Variants in GSDME observed in about 807,000 individuals in gnomAD.
The protein encoded by GSDME is gasdermin E.
GSDME carries 44 observed loss-of-function variants against 47.5 expected under a neutral mutation model. The observed-to-expected ratio is 0.93, with a 90% CI of 0.73 to 1.19. The LOEUF is 1.19. Among genes scored for constraint, GSDME ranks in the 50% most tolerant of loss-of-function variants. The pLI is 0.00. For synonymous variants in GSDME, 258 were observed against 252.8 expected, an observed-to-expected ratio of 1.02 and a Z score of -0.20; for missense variants, 663 against 604.2, an observed-to-expected ratio of 1.10 and a Z score of -1.02.
At chr7:24,786,116 A>G in the GSDME span, among the ~76,000 whole-genome samples, 4 of 152,190 alleles carry the variant, frequency 2.6e-5, no homozygotes. The surrounding 1 kb of genome is among the most constrained non-coding windows in gnomAD (Gnocchi z 5.5). Flanking sequence ...GTGGCAGTAT[A>G]GAGCTTTAAT....
chr7:24,699,445 C>G (rs1025336160), intron 9 of GSDME, among the ~76,000 whole-genome samples, 186 bp from the exon 10 acceptor site: 1 of 151,964 alleles, frequency 6.6e-6, no homozygotes, highest in Non-Finnish European at 1.5e-5. Context: ...CAGGTTCAAG[C>G]GATTCTTTTG....
chr7:24,709,384 T>C (rs980275922), intron 6 of GSDME, among the ~76,000 whole-genome samples: 16 of 152,010 alleles, frequency 1.1e-4, no homozygotes, highest in African/African-American at 4.8e-5. Context: ...CACCCACTTA[T>C]CCATCTCAAG....
At chr7:24,782,885 A>G in the GSDME span, among the ~76,000 whole-genome samples, 3 of 152,220 alleles carry the variant, frequency 2.0e-5, no homozygotes, top group South Asian at 6.2e-4. Context: ...GTGTCTGTTC[A>G]TATCCTTTGC....
At position 24,699,563 on chromosome 7, in the gene GSDME, T is replaced by C. The variant is rs138759906; in HGVS notation, c.1258-304A>G. Among the ~76,000 whole-genome samples, 9,581 of 152,142 alleles carry C rather than the reference T, an allele frequency of 0.063. 357 individuals are homozygous for C. The highest frequency in any genetic ancestry group is 0.095 in the African/African-American group (3,932 of 41,516). The stretch of plus-strand genomic sequence containing the variant: ...CCGTGTTGGCCAGGCTGGTCTCAAA[T>C]TCCTGACCTCAGGTGATCTGCCCAC... On this transcript the variant is annotated intron_variant, in intron 9 of 9. Transcript: ENST00000645220.
chr7:24,769,577 C>T, the GSDME span, among the ~76,000 whole-genome samples: 1 of 152,156 alleles, frequency 6.6e-6, no homozygotes, highest in Non-Finnish European at 1.5e-5. Flanking sequence ...CTAAGTTTCA[C>T]AGCCCAGGAC....
At chr7:24,795,032 G>A in the GSDME span, among the ~76,000 whole-genome samples, 3 of 152,268 alleles carry the variant, frequency 2.0e-5, no homozygotes, top group East Asian at 5.8e-4. Context: ...GCATGCCGTG[G>A]GTGATCAGGC....
rs572615843 is a variant in GSDME, at chr7:24,705,391, G to A, written c.1183+793C>T. 6.6e-6 allele frequency: 1 copy of A among 152,636 alleles called. No individual in the cohort carries two copies. Among genetic ancestry groups the A allele is most frequent in the East Asian group, 1.9e-4 (1 of 5,192 alleles). 9.5% of individuals were successfully genotyped at this position (152,636 alleles called of 1,614,324 possible). ...CTCTCAGATTAATTCTTTAAAAACT[G>A]AAGATTACTGGGTCTGTTTCTGTGT... is the stretch of plus-strand genomic sequence containing the variant. On this transcript the variant is annotated intron_variant, in intron 8 of 9. Coordinates refer to ENST00000645220, the MANE Select transcript of GSDME (RefSeq NM_001127453.2). This position sits in a 1 kb window ranked among gnomAD's most constrained non-coding sequence, Gnocchi z 4.1.
chr7:24,702,397 CTT>C (rs1788905691), intron 9 of GSDME: 2 of 356,476 alleles, frequency 5.6e-6, no homozygotes, highest in Non-Finnish European at 1.1e-5. Flanking sequence ...TCAAACCAGT[CTT>C]AGCACAAAAC....
chr7:24,730,091 T>C (rs1367881765), intron 3 of GSDME, among the ~76,000 whole-genome samples: 2 of 152,200 alleles, frequency 1.3e-5, no homozygotes, highest in Non-Finnish European at 2.9e-5. Flanking sequence ...ACTGGACTCA[T>C]GCCTCACCCA....
At position 24,702,672 on chromosome 7, in the gene GSDME, G is replaced by A. The variant is rs777963105; in HGVS notation, c.1257+88C>T. The A allele has an allele frequency of 2.8e-6, 3 of 1,053,456 alleles. No homozygotes were observed. The Admixed American group carries it at 5.1e-5, about 18-fold the overall frequency. The allele number at this position is 1,053,456 out of a possible 1,614,324, so 65.3% of individuals were successfully genotyped here. A position where few individuals can be genotyped will look rare whatever the true frequency, so the allele number is the denominator to read the frequency against. On this transcript the variant is annotated intron_variant, in intron 9 of 9. Transcript: ENST00000645220. ...TGAAGAGCTGTTGTGGTAAGTCCTA[G>A]AGGTGTTTTACCGGCTGCTGGATGT...
At chr7:24,789,597 G>C in the GSDME span, among the ~76,000 whole-genome samples, 3 of 152,216 alleles carry the variant, frequency 2.0e-5, no homozygotes, top group Admixed American at 1.3e-4. Context: ...GAAGCAGTTA[G>C]GTCAGGAGTT....
chr7:24,747,838 T>G (rs1283591914), intron 2 of GSDME, among the ~76,000 whole-genome samples: 1 of 152,010 alleles, frequency 6.6e-6, no homozygotes, highest in African/African-American at 2.4e-5. Flanking sequence ...TGGCTAATTT[T>G]TCTATTTTTT....
At position 24,743,121 on chromosome 7, in the gene GSDME, GA is replaced by G. The variant is rs770942745; in HGVS notation, c.404+1440del. ...GTTCCAGTAAGCATGGGCAGTTACT[GA>G]AGAGGGGCTTGGGACTTGAAGACGG... On this transcript the variant is annotated intron_variant, in intron 3 of 9. Coordinates refer to ENST00000645220, the MANE Select transcript of GSDME (RefSeq NM_001127453.2). Among the ~76,000 whole-genome samples, 15 of 152,340 alleles carry G rather than the reference GA, an allele frequency of 9.8e-5. 1 individual carries two copies. The highest frequency in any genetic ancestry group is 7.2e-4 in the Admixed American group (11 of 15,304).
At chr7:24,768,612 AG>A in the GSDME span, among the ~76,000 whole-genome samples, 1 of 152,198 alleles carries the variant, frequency 6.6e-6, no homozygotes, top group East Asian at 1.9e-4. The surrounding 1 kb of genome is among the most constrained non-coding windows in gnomAD (Gnocchi z 5.6). Flanking sequence ...ACAGCACACA[AG>A]TGATAAGTGG....
At chr7:24,774,552 A>AG in the GSDME span, among the ~76,000 whole-genome samples, 1 of 151,948 alleles carries the variant, frequency 6.6e-6, no homozygotes, top group African/African-American at 2.4e-5. Context: ...TATTTATTTA[A>AG]GATGGAGTCT....
intron 1 of GSDME, among the ~76,000 whole-genome samples, chr7:24,752,586 G>A (rs149751106): frequency 6.6e-6 from 1 of 152,302 alleles, no homozygotes; most frequent in Non-Finnish European, 1.5e-5. Flanking sequence ...TGGTATCCCA[G>A]GTGCAGGCTG....
At position 24,719,126 on chromosome 7, in the gene GSDME, T is replaced by A; in HGVS notation, c.497A>T (p.Gln166Leu). 1.2e-6 allele frequency: 2 copies of A among 1,613,976 alleles called. No homozygotes were observed. Among genetic ancestry groups the A allele is most frequent in the South Asian group, 2.2e-5 (2 of 91,078 alleles). ...CVLTQKITTMQKCVISEHMQV... is the reference protein window; with the variant it reads ...CVLTQKITTMLKCVISEHMQV... ...CATGTGCTCAGAGATCACACACTTC[T>A]GCATCGTCGTGATCTTCTGTGTCAA... Residue 166 changes from glutamine to leucine, a missense_variant, in exon 4 of 10, where the codon CAG becomes CTG. Coordinates refer to ENST00000645220, the MANE Select transcript of GSDME (RefSeq NM_001127453.2).
At chr7:24,731,223 C>T (rs1240591592) in intron 3 of GSDME, among the ~76,000 whole-genome samples, 1 of 152,146 alleles carries the variant, frequency 6.6e-6, no homozygotes, top group Non-Finnish European at 1.5e-5. Context: ...CTCCATACAC[C>T]TTTACTTAAG....
Position 24,699,235 on chromosome 7 carries a change from C to G in GSDME, c.1282G>C (p.Val428Leu). 1 of 1,613,768 alleles carries G rather than the reference C, an allele frequency of 6.2e-7. No individual in the cohort carries two copies. Among genetic ancestry groups the G allele is most frequent in the Non-Finnish European group, 8.5e-7 (1 of 1,179,654 alleles). The part of the protein sequence containing the change: ...HLLRALSDDG[V>L]SDLEDPTLTP... ...AAGGTTGGGTCTTCAAGATCAGATA[C>G]TCCATCATCAGACAGAGCACGAAGC... The change falls in exon 10 of 10, where the codon GTA becomes CTA. Residue 428 changes from valine (V) to leucine (L), a missense_variant. Physicochemically the swap from Val to Leu is conservative, Grantham distance 32 (BLOSUM62 1). Coordinates refer to ENST00000645220, the MANE Select transcript of GSDME (RefSeq NM_001127453.2).
Sources: allele counts gnomAD v4.1 joint callset (sites outside exome capture counted in the v4.1 genomes callset), GRCh38; gene constraint gnomAD v4.1.1; non-coding constraint Gnocchi (gnomAD v3.1); transcripts MANE v1.5; gene names NCBI Gene and HGNC (gene_info 2026-07-23, HGNC 2026-07-21).